Variants in CELSR1 observed in about 807,000 individuals in gnomAD.
The protein encoded by CELSR1 is adhesion G protein-coupled receptor C1.
Under a neutral mutation model 249.1 loss-of-function variants are expected in CELSR1, and 110 were observed. That is an observed-to-expected ratio of 0.44 (90% confidence interval 0.38 to 0.52). The LOEUF (loss-of-function observed/expected upper bound fraction) is 0.52. CELSR1 is among the 20% of genes least tolerant of loss of function. CELSR1 has a pLI of 0.00. For synonymous variants in CELSR1, 2,113 were observed against 1,900.0 expected, an observed-to-expected ratio of 1.11 and a Z score of -2.92; for missense variants, 4,109 against 4,296.4, an observed-to-expected ratio of 0.96 and a Z score of 1.22.
intron 1 of CELSR1, among the ~76,000 whole-genome samples, chr22:46,522,792 G>A (rs1489020022): frequency 6.6e-6 from 1 of 152,196 alleles, no homozygotes; most frequent in Non-Finnish European, 1.5e-5. Flanking sequence ...TTCCACCTTC[G>A]GAGGTCCAGA....
intron 1 of CELSR1, among the ~76,000 whole-genome samples, chr22:46,499,290 AG>A (rs2080444074): frequency 6.6e-6 from 1 of 152,158 alleles, no homozygotes; most frequent in Non-Finnish European, 1.5e-5. Context: ...GAGACAGGAC[AG>A]GAATTGGCAG....
rs1005349436 is a variant in CELSR1 at position 46,391,616 on chromosome 22, C to T, written c.6148+17G>A. The stretch of plus-strand genomic sequence containing the variant: ...CCCCGCGCTGTAACCTGCAGGGTGT[C>T]GAGGGGCAACGCGGACCTTCACAGC... On this transcript the variant is annotated intron_variant, in intron 15 of 34. Coordinates refer to ENST00000674500, the MANE Select transcript of CELSR1 (RefSeq NM_001378328.1). The surrounding 1 kb of genome is among the most constrained non-coding windows in gnomAD (Gnocchi z 4.3). The T allele has an allele frequency of 5.1e-6, 8 of 1,575,670 alleles. No homozygotes were observed. The highest frequency in any genetic ancestry group is 2.7e-5 in the African/African-American group (2 of 73,950).
chr22:46,463,879 G>A lies in CELSR1; in HGVS notation c.4011C>T (p.Leu1337=), dbSNP rs768670766. ...CGTTGATGGGGTGGATGGGCCGGAA[G>A]AGCACGGTGGTGGAGCTGAGGAAGG... is the stretch of plus-strand genomic sequence containing the variant. The part of the protein sequence containing the change: ...SAPFLSSTTV[L]FRPIHPINGL... The change falls in exon 2 of 35, where the codon CTC becomes CTT. Residue 1337 remains leucine (L), a synonymous_variant. Coordinates refer to ENST00000674500, the MANE Select transcript of CELSR1 (RefSeq NM_001378328.1). 2 of 1,613,230 alleles carry A rather than the reference G, an allele frequency of 1.2e-6. No individual in the cohort carries two copies. The highest frequency in any genetic ancestry group is 1.7e-6 in the Non-Finnish European group (2 of 1,179,582).
At position 46,363,766 on chromosome 22, in the gene CELSR1, C is replaced by T; in HGVS notation, c.9035+230G>A. The T allele has an allele frequency of 3.4e-6, 2 of 583,990 alleles. No individual in the cohort carries two copies. The highest frequency in any genetic ancestry group is 3.6e-5 in the Admixed American group (1 of 28,152). 36.2% of individuals were successfully genotyped at this position (583,990 alleles called of 1,614,324 possible). ...TTGGGGCTGGCCAGGGCTTCAGAGT[C>T]CCAGAGGCCTGAGACGTGTCCCCAG... On this transcript the variant is annotated intron_variant, in intron 34 of 34. Transcript: ENST00000674500. This position sits in a 1 kb window ranked among gnomAD's most constrained non-coding sequence, Gnocchi z 4.3.
chr22:46,405,341 C>T (rs1458870059), intron 9 of CELSR1, among the ~76,000 whole-genome samples: 2 of 151,044 alleles, frequency 1.3e-5, no homozygotes, highest in African/African-American at 4.9e-5. Context: ...GGGCCTGTAG[C>T]CCCAACTACT....
chr22:46,431,993 C>A (rs961350567), intron 5 of CELSR1, among the ~76,000 whole-genome samples: 4 of 152,186 alleles, frequency 2.6e-5, no homozygotes, highest in African/African-American at 4.8e-5. Flanking sequence ...CAATATCCCC[C>A]CAAACCCCGA....
chr22:46,370,016 G>T, intron 25 of CELSR1: 1 of 647,128 alleles, frequency 1.5e-6, no homozygotes, highest in East Asian at 3.1e-5. Context: ...GGCAGGAGCT[G>T]CTCCTGGATT....
chr22:46,366,922 T>C, intron 29 of CELSR1, 71 bp downstream of exon 29: 1 of 1,533,346 alleles, frequency 6.5e-7, no homozygotes, highest in Non-Finnish European at 8.8e-7. Context: ...GGGCTGAGGC[T>C]CGATCACCCT....
chr22:46,456,649 C>A (rs1226750361), intron 2 of CELSR1, among the ~76,000 whole-genome samples: 40 of 111,404 alleles, frequency 3.6e-4, no homozygotes, highest in African/African-American at 1.4e-3. Flanking sequence ...GGCGACAGAG[C>A]GAGACTCTGT....
At position 46,362,834 on chromosome 22, in the gene CELSR1, C is replaced by T. The variant is rs544066927; in HGVS notation, c.*389G>A. 3.3e-5 allele frequency: 11 copies of T among 333,470 alleles called. No homozygotes were observed. Among genetic ancestry groups the T allele is most frequent in the African/African-American group, 1.5e-4 (7 of 48,158 alleles). 20.7% of individuals were successfully genotyped at this position (333,470 alleles called of 1,614,324 possible). On this transcript the variant is annotated 3_prime_UTR_variant, in exon 35 of 35. Coordinates refer to ENST00000674500, the MANE Select transcript of CELSR1 (RefSeq NM_001378328.1). ...GATGCCCGCCTGGGCGGGGCTGGAC[C>T]GCGGTCTTTGGTCTGTGCCCGGCGT...
chr22:46,433,312 G>C lies in CELSR1; in HGVS notation c.4611+81C>G, dbSNP rs1001968402. ...GGCCTCTCAAAGTGCTGGGATTACA[G>C]GCGTGAGCCACTGCGCCTCGCCCCA... is the stretch of plus-strand genomic sequence containing the variant. On this transcript the variant is annotated intron_variant, in intron 5 of 34. Transcript: ENST00000674500. This position sits in a 1 kb window ranked among gnomAD's most constrained non-coding sequence, Gnocchi z 5.7. The C allele has an allele frequency of 2.9e-6, 3 of 1,049,492 alleles. No homozygotes were observed. The highest frequency in any genetic ancestry group is 1.6e-5 in the African/African-American group (1 of 63,106). The allele number at this position is 1,049,492 out of a possible 1,614,324, so 65.0% of individuals were successfully genotyped here. A position where few individuals can be genotyped will look rare whatever the true frequency, so the allele number is the denominator to read the frequency against.
chr22:46,465,858 C>T (rs989152814), intron 1 of CELSR1, among the ~76,000 whole-genome samples: 3 of 152,220 alleles, frequency 2.0e-5, no homozygotes, highest in East Asian at 3.9e-4. Context: ...CACCCAGAAA[C>T]GCAGGCCCGG....
At chr22:46,403,128 C>T (rs972660326) in intron 9 of CELSR1, among the ~76,000 whole-genome samples, 1 of 152,112 alleles carries the variant, frequency 6.6e-6, no homozygotes, top group African/African-American at 2.4e-5. Flanking sequence ...CACCTAATAA[C>T]CTGGCCTCAA....
intron 1 of CELSR1, among the ~76,000 whole-genome samples, chr22:46,532,853 C>G (rs949263246): frequency 1.7e-4 from 26 of 152,222 alleles, no homozygotes; most frequent in Admixed American, 1.3e-3. Context: ...AGCCCCGGCA[C>G]ACAGGGTCAG....
chr22:46,377,946 G>A (rs1056899192), intron 23 of CELSR1, among the ~76,000 whole-genome samples: 2 of 152,150 alleles, frequency 1.3e-5, no homozygotes, highest in Non-Finnish European at 1.5e-5. Context: ...GGCTACCCAG[G>A]CCCCTGGTTC....
chr22:46,537,286 G>T lies in CELSR1; in HGVS notation c.-116C>A. ...TCCCGGGCGCCCGGCCCTCGGGGCG[G>T]TCCGCGTCCCGCCTCCCCGGGGGCC... On this transcript the variant is annotated 5_prime_UTR_variant, in exon 1 of 35. Transcript: ENST00000674500. This position sits in a 1 kb window ranked among gnomAD's most constrained non-coding sequence, Gnocchi z 5.8. 1 of 990,602 alleles carries T rather than the reference G, an allele frequency of 1.0e-6. No homozygotes were observed. The highest frequency in any genetic ancestry group is 6.0e-5 in the Admixed American group (1 of 16,670). 61.4% of individuals were successfully genotyped at this position (990,602 alleles called of 1,614,324 possible).
Position 46,536,549 on chromosome 22 carries a change from G to T in CELSR1, c.622C>A (p.Pro208Thr). Residue 208 changes from proline (P) to threonine (T), a missense_variant, in exon 1 of 35, where the codon CCC (proline) becomes ACC (threonine). By Grantham distance (38) the Pro-to-Thr change is conservative. Transcript: ENST00000674500. ...LALEAATAGT[P>T]SASPSPSPPL... ...GGCGATGGGGATGGCGACGCGGAGG[G>T]CGTCCCCGCGGTGGCGGCCTCCAGC... The T allele has an allele frequency of 7.4e-7, 1 of 1,352,404 alleles. No homozygotes were observed. The highest frequency in any genetic ancestry group is 9.4e-7 in the Non-Finnish European group (1 of 1,059,398). The allele number at this position is 1,352,404 out of a possible 1,614,324, so 83.8% of individuals were successfully genotyped here.
chr22:46,380,732 C>G lies in CELSR1; in HGVS notation c.7256+56G>C. ...CTCTGCCACTGAGCCCCCGACCCTG[C>G]GGGGGCACTCTGCCTTGGCAAAGCC... is the stretch of plus-strand genomic sequence containing the variant. On this transcript the variant is annotated intron_variant, in intron 22 of 34. Coordinates refer to ENST00000674500, the MANE Select transcript of CELSR1 (RefSeq NM_001378328.1). This position sits in a 1 kb window ranked among gnomAD's most constrained non-coding sequence, Gnocchi z 5.1. The G allele has an allele frequency of 1.3e-6, 2 of 1,586,144 alleles. No individual in the cohort carries two copies. The highest frequency in any genetic ancestry group is 1.7e-6 in the Non-Finnish European group (2 of 1,164,534).
chr22:46,512,691 C>G lies in CELSR1; in HGVS notation c.3544+20936G>C, dbSNP rs550412728. On this transcript the variant is annotated intron_variant, in intron 1 of 34. Transcript: ENST00000674500. This position sits in a 1 kb window ranked among gnomAD's most constrained non-coding sequence, Gnocchi z 5.2. ...CCCACTCTGCTCCTTCGGATAAGAT[C>G]CCTCCACAGTCAACCCTTCTTGTCA... is the stretch of plus-strand genomic sequence containing the variant. 6.6e-6 allele frequency among the ~76,000 whole-genome samples: 1 copy of G among 152,216 alleles called. No homozygotes were observed. Among genetic ancestry groups the G allele is most frequent in the Non-Finnish European group, 1.5e-5 (1 of 68,044 alleles).
Sources: allele counts gnomAD v4.1 joint callset (sites outside exome capture counted in the v4.1 genomes callset), GRCh38; gene constraint gnomAD v4.1.1; non-coding constraint Gnocchi (gnomAD v3.1); transcripts MANE v1.5; gene names NCBI Gene and HGNC (gene_info 2026-07-23, HGNC 2026-07-21).